Variants in PDZRN4 observed in about 807,000 individuals in gnomAD.
PDZRN4 encodes the protein PDZ domain-containing RING finger protein 4.
PDZRN4 carries 70 observed loss-of-function variants against 99.0 expected under a neutral mutation model. The observed-to-expected ratio is 0.71, with a 90% CI of 0.58 to 0.86. The LOEUF is 0.86. Ranked by LOEUF, PDZRN4 falls within the 40% of genes least tolerant of loss-of-function variation. The probability of loss-of-function intolerance (pLI) is 0.00; values close to 1 mark genes in which losing one functional copy is unlikely to be tolerated. For missense variants in PDZRN4, 1,474 were observed against 1,331.2 expected (o/e 1.11, Z -1.67); for synonymous variants, 551 against 501.6 (o/e 1.10, Z -1.32).
intron 5 of PDZRN4, among the ~76,000 whole-genome samples, chr12:41,544,189 G>A (rs1179902314): frequency 6.6e-6 from 1 of 152,186 alleles, no homozygotes; most frequent in Non-Finnish European, 1.5e-5. Context: ...AAGTGAATAA[G>A]TAAAAACTGA....
intron 3 of PDZRN4, among the ~76,000 whole-genome samples, chr12:41,278,200 T>TGGA (rs1951362109): frequency 1.3e-5 from 2 of 152,220 alleles, no homozygotes; most frequent in Non-Finnish European, 2.9e-5. Context: ...GAGGAGGCTT[T>TGGA]TTATAAGGCC....
intron 3 of PDZRN4, among the ~76,000 whole-genome samples, chr12:41,246,544 A>T (rs961255851): frequency 9.9e-5 from 15 of 152,176 alleles, no homozygotes; most frequent in African/African-American, 3.4e-4. Flanking sequence ...CACTATTACT[A>T]CATCTAATTT....
intron 3 of PDZRN4, among the ~76,000 whole-genome samples, chr12:41,323,410 T>TA (rs776802142): frequency 6.6e-6 from 1 of 152,072 alleles, no homozygotes; most frequent in South Asian, 2.1e-4. Context: ...GATAGATATC[T>TA]AAAAAAAGAT....
At chr12:41,300,790 A>G (rs1385674705) in intron 3 of PDZRN4, among the ~76,000 whole-genome samples, 1 of 151,972 alleles carries the variant, frequency 6.6e-6, no homozygotes, top group African/African-American at 2.4e-5. Flanking sequence ...GTGATTTTTC[A>G]GAGCTATTAT....
Position 41,499,401 on chromosome 12 carries a change from G to A in PDZRN4, c.844-7055G>A, listed in dbSNP as rs10129023. ...ATAAAGAGGTTAATAAAACTATGTCGTGTGCATTTTAGTTTGTTTTCCTCA... is the reference window on the plus strand; with the variant it reads ...ATAAAGAGGTTAATAAAACTATGTCATGTGCATTTTAGTTTGTTTTCCTCA... On this transcript the variant is annotated intron_variant, in intron 3 of 9. Transcript: ENST00000402685. 5.2e-3 allele frequency among the ~76,000 whole-genome samples: 797 copies of A among 152,178 alleles called. 10 individuals are homozygous for A. Among genetic ancestry groups the A allele is most frequent in the African/African-American group, 0.018 (755 of 41,536 alleles).
chr12:41,510,788 C>T lies in PDZRN4; in HGVS notation c.1203+875C>T, dbSNP rs17129424. 7.1e-3 allele frequency among the ~76,000 whole-genome samples: 1,077 copies of T among 152,218 alleles called. 13 individuals carry two copies. Among genetic ancestry groups the T allele is most frequent in the African/African-American group, 0.024 (1,002 of 41,546 alleles). ...TCTGAAATCAAATAAGGAAGCTCAT[C>T]TAAAGCAAATGGACGTTTGTTTGAA... On this transcript the variant is annotated intron_variant, in intron 5 of 9. Transcript: ENST00000402685.
At chr12:41,394,681 A>G (rs1952233641) in intron 3 of PDZRN4, among the ~76,000 whole-genome samples, 1 of 151,974 alleles carries the variant, frequency 6.6e-6, no homozygotes, top group Non-Finnish European at 1.5e-5. Flanking sequence ...TTCCTCACTA[A>G]CTGTTGACCA....
intron 3 of PDZRN4, among the ~76,000 whole-genome samples, chr12:41,380,168 C>G (rs540787717): frequency 4.6e-5 from 7 of 152,106 alleles, no homozygotes; most frequent in Admixed American, 2.6e-4. Context: ...CACCCCTGCT[C>G]TCTTTTGATT....
At chr12:41,368,865 A>G (rs902180224) in intron 3 of PDZRN4, among the ~76,000 whole-genome samples, 1 of 152,074 alleles carries the variant, frequency 6.6e-6, no homozygotes, top group African/African-American at 2.4e-5. Flanking sequence ...GAAAATGTAA[A>G]GCTCTGGCTG....
intron 3 of PDZRN4, among the ~76,000 whole-genome samples, chr12:41,504,438 T>A (rs1238774037): frequency 6.6e-6 from 1 of 152,152 alleles, no homozygotes; most frequent in Non-Finnish European, 1.5e-5. Context: ...TTTTACCTAC[T>A]GCATCAATTC....
At chr12:41,255,426 T>G (rs1427986734) in intron 3 of PDZRN4, among the ~76,000 whole-genome samples, 1 of 152,112 alleles carries the variant, frequency 6.6e-6, no homozygotes, top group East Asian at 1.9e-4. Context: ...TTTTTTGTTT[T>G]TTTTGTTTTG....
At chr12:41,313,938 CTG>C (rs1951623104) in intron 3 of PDZRN4, among the ~76,000 whole-genome samples, 1 of 152,084 alleles carries the variant, frequency 6.6e-6, no homozygotes, top group South Asian at 2.1e-4. Flanking sequence ...TGTGTATAAA[CTG>C]AGAGTAATGG....
intron 3 of PDZRN4, among the ~76,000 whole-genome samples, chr12:41,470,545 C>T (rs1010798849): frequency 1.3e-5 from 2 of 151,854 alleles, no homozygotes; most frequent in African/African-American, 2.4e-5. Flanking sequence ...TACATGTGCA[C>T]AACGTGCAGG....
intron 3 of PDZRN4, among the ~76,000 whole-genome samples, chr12:41,406,016 G>A (rs1952345976): frequency 6.6e-6 from 1 of 151,966 alleles, no homozygotes; most frequent in African/African-American, 2.4e-5. Flanking sequence ...CACTACCTGG[G>A]TGTAATATAC....
At chr12:41,402,018 G>A (rs774295407) in intron 3 of PDZRN4, among the ~76,000 whole-genome samples, 5 of 147,018 alleles carry the variant, frequency 3.4e-5, no homozygotes, top group Non-Finnish European at 4.5e-5. Flanking sequence ...TGGATGTGGC[G>A]CTCCCTCACC....
intron 3 of PDZRN4, among the ~76,000 whole-genome samples, chr12:41,250,092 T>C (rs1951158470): frequency 6.6e-6 from 1 of 152,192 alleles, no homozygotes; most frequent in Admixed American, 6.5e-5. Flanking sequence ...CTTGCATACT[T>C]GTTTGCTCTT....
chr12:41,379,995 A>G (rs1952111753), intron 3 of PDZRN4, among the ~76,000 whole-genome samples: 1 of 152,040 alleles, frequency 6.6e-6, no homozygotes, highest in South Asian at 2.1e-4. Flanking sequence ...CAGTTCTGTT[A>G]GCATTTGCTT....
chr12:41,567,621 T>A (rs931670434), intron 8 of PDZRN4, among the ~76,000 whole-genome samples, 162 bp from the exon 9 acceptor site: 11 of 146,136 alleles, frequency 7.5e-5, no homozygotes, highest in African/African-American at 2.5e-4. Context: ...TTTTTTTTTA[T>A]CACCTTTTCT....
At chr12:41,295,554 T>G (rs1951486957) in intron 3 of PDZRN4, among the ~76,000 whole-genome samples, 1 of 151,836 alleles carries the variant, frequency 6.6e-6, no homozygotes. Context: ...AGTCAAAAAC[T>G]CCATAAGAAA....
Sources: allele counts gnomAD v4.1 joint callset (sites outside exome capture counted in the v4.1 genomes callset), GRCh38; gene constraint gnomAD v4.1.1; transcripts MANE v1.5; gene names NCBI Gene and HGNC (gene_info 2026-07-23, HGNC 2026-07-21).